Variants in MALRD1 observed in about 807,000 individuals in gnomAD.
MALRD1 encodes MAM and LDL receptor class A domain containing 1.
Under a neutral mutation model 242.1 loss-of-function variants are expected in MALRD1, and 247 were observed. That is an observed-to-expected ratio of 1.02 (90% confidence interval 0.92 to 1.13). The LOEUF (loss-of-function observed/expected upper bound fraction) is 1.13, where lower values mean the gene tolerates loss of function less well. MALRD1 is among the 50% of genes most tolerant of loss of function. The pLI, the probability that MALRD1 is intolerant of heterozygous loss-of-function variation, is 0.00. For synonymous variants in MALRD1, 995 were observed against 866.6 expected, an observed-to-expected ratio of 1.15 and a Z score of -2.60; for missense variants, 2,989 against 2,533.1, an observed-to-expected ratio of 1.18 and a Z score of -3.86.
intron 31 of MALRD1, among the ~76,000 whole-genome samples, chr10:19,522,523 G>A (rs1833927081): frequency 1.3e-5 from 2 of 152,064 alleles, no homozygotes; most frequent in South Asian, 2.1e-4. Flanking sequence ...TCTTAAATAA[G>A]GACTGTAGGA....
chr10:19,227,108 A>G (rs1000116278), intron 18 of MALRD1, among the ~76,000 whole-genome samples: 9 of 152,144 alleles, frequency 5.9e-5, no homozygotes, highest in Admixed American at 2.6e-4. Flanking sequence ...GCACAATCCC[A>G]ATCAAACCTA....
intron 25 of MALRD1, among the ~76,000 whole-genome samples, chr10:19,348,645 G>A (rs1461016215): frequency 2.6e-5 from 4 of 152,086 alleles, no homozygotes; most frequent in Non-Finnish European, 5.9e-5. Context: ...GGGAAAAGCA[G>A]CAGCCTCATA....
chr10:19,049,084 A>G lies in MALRD1; in HGVS notation c.146A>G (p.Asp49Gly). 8.1e-7 allele frequency: 1 copy of G among 1,233,906 alleles called. No homozygotes were observed. The highest frequency in any genetic ancestry group is 1.0e-6 in the Non-Finnish European group (1 of 988,134). The allele number at this position is 1,233,906 out of a possible 1,614,324, so 76.4% of individuals were successfully genotyped here. The change falls in exon 1 of 40, where the codon GAC becomes GGC. Residue 49 changes from aspartate (D) to glycine (G), a missense_variant. Asp to Gly is a moderately conservative substitution (Grantham distance 94). Transcript: ENST00000454679. ...QCDNGVSLPPDSICDFTDQCG... is the reference protein window; with the variant it reads ...QCDNGVSLPPGSICDFTDQCG... ...GACAATGGAGTCTCCTTGCCTCCTG[A>G]CAGCATTTGTGACTTCACAGATCAG...
chr10:19,052,784 G>C (rs1372299798), intron 1 of MALRD1, among the ~76,000 whole-genome samples: 1 of 147,828 alleles, frequency 6.8e-6, no homozygotes, highest in African/African-American at 2.4e-5. Context: ...CCTGCCCTTG[G>C]CTGAAGCATA....
intron 14 of MALRD1, among the ~76,000 whole-genome samples, chr10:19,189,222 A>G (rs945510892): frequency 3.3e-5 from 5 of 152,130 alleles, no homozygotes; most frequent in African/African-American, 1.2e-4. Context: ...TAATAAACAG[A>G]TTCCTAGAAA....
At chr10:19,708,083 A>T (rs1476717181) in intron 38 of MALRD1, among the ~76,000 whole-genome samples, 1 of 120,772 alleles carries the variant, frequency 8.3e-6, no homozygotes, top group Non-Finnish European at 1.9e-5. Context: ...ATCAAAGATG[A>T]TCCCAGAGTA....
chr10:19,622,931 G>A (rs1208382418), intron 36 of MALRD1, among the ~76,000 whole-genome samples: 4 of 151,944 alleles, frequency 2.6e-5, no homozygotes, highest in Admixed American at 6.6e-5. Context: ...TTAAAAGGGA[G>A]TATTGGGGCA....
chr10:19,675,197 C>A (rs1341943640), intron 36 of MALRD1, among the ~76,000 whole-genome samples: 1 of 152,128 alleles, frequency 6.6e-6, no homozygotes, highest in Non-Finnish European at 1.5e-5. Context: ...TCAATAAAAA[C>A]CACACAAGAG....
chr10:19,159,236 C>A (rs1334209384), intron 12 of MALRD1, among the ~76,000 whole-genome samples: 4 of 151,902 alleles, frequency 2.6e-5, no homozygotes, highest in Admixed American at 6.6e-5. Context: ...GTGTGTGTGT[C>A]TGTGTGTTTA....
chr10:19,730,864 T>C, intron 39 of MALRD1, 83 bp downstream of exon 39: 1 of 1,255,088 alleles, frequency 8.0e-7, no homozygotes, highest in Non-Finnish European at 1.1e-6. Flanking sequence ...TGAACCAGTG[T>C]TGCTTGATCA....
intron 12 of MALRD1, among the ~76,000 whole-genome samples, chr10:19,155,704 G>A (rs1834117865): frequency 6.6e-6 from 1 of 152,070 alleles, no homozygotes; most frequent in Non-Finnish European, 1.5e-5. Context: ...CAGACAAATT[G>A]TATATTCCTT....
chr10:19,281,963 CAAAAAAAAA>C (rs149370838), intron 20 of MALRD1, among the ~76,000 whole-genome samples: 1 of 79,862 alleles, frequency 1.3e-5, no homozygotes, highest in Non-Finnish European at 2.3e-5. Flanking sequence ...ACGATGTCTC[CAAAAAAAAA>C]AAAAAAAAAA....
intron 32 of MALRD1, among the ~76,000 whole-genome samples, 187 bp from the exon 33 acceptor site, chr10:19,567,315 C>T (rs1016007944): frequency 2.6e-5 from 4 of 152,052 alleles, no homozygotes; most frequent in Admixed American, 2.0e-4. Flanking sequence ...AAAGGTCCTA[C>T]TAACCCAGGA....
chr10:19,225,475 A>G (rs894523433), intron 18 of MALRD1, among the ~76,000 whole-genome samples: 1 of 151,876 alleles, frequency 6.6e-6, no homozygotes, highest in Admixed American at 6.6e-5. Flanking sequence ...TTCTATTCAC[A>G]TATGTATATG....
At chr10:19,402,015 A>C (rs1186452010) in intron 28 of MALRD1, among the ~76,000 whole-genome samples, 2 of 152,224 alleles carry the variant, frequency 1.3e-5, no homozygotes, top group Admixed American at 1.3e-4. Context: ...AGCTTTGGAA[A>C]GCCAAAAACT....
chr10:19,351,426 G>A (rs1844373070), intron 25 of MALRD1, among the ~76,000 whole-genome samples: 1 of 152,118 alleles, frequency 6.6e-6, no homozygotes, highest in Non-Finnish European at 1.5e-5. Flanking sequence ...GGGTTGCTCT[G>A]TGAAGGCCCA....
intron 30 of MALRD1, among the ~76,000 whole-genome samples, chr10:19,494,054 C>T (rs183273991): frequency 1.2e-3 from 177 of 152,176 alleles, no homozygotes; most frequent in African/African-American, 4.1e-3. Context: ...TAAGAGGGAG[C>T]ACAGCTGCAA....
chr10:19,052,644 T>A (rs1834543544), intron 1 of MALRD1, among the ~76,000 whole-genome samples: 1 of 152,124 alleles, frequency 6.6e-6, no homozygotes, highest in Admixed American at 6.5e-5. Flanking sequence ...AGAGTAGATG[T>A]GAAGGTTTCA....
At chr10:19,655,933 G>C (rs998718087) in intron 36 of MALRD1, among the ~76,000 whole-genome samples, 1 of 152,050 alleles carries the variant, frequency 6.6e-6, no homozygotes, top group African/African-American at 2.4e-5. Context: ...GTTGGTACCT[G>C]GCTCTGATGC....
Sources: gnomAD v4.1 joint callset for allele counts (sites outside exome capture counted in the v4.1 genomes callset) on GRCh38, gnomAD v4.1.1 for gene constraint, MANE v1.5 for transcripts, NCBI Gene and HGNC (gene_info 2026-07-23, HGNC 2026-07-21) for gene names.